The following DNAAF11 variants were observed in gnomAD, a reference collection of about 807,000 sequenced individuals.
The protein encoded by DNAAF11 is leucine rich repeat containing 6.
A neutral mutation model predicts 60.8 loss-of-function variants in DNAAF11; 45 were observed. The ratio of observed to expected loss-of-function variants is 0.74; its 90% CI spans 0.58 to 0.95. The LOEUF is 0.95. DNAAF11 is among the 40% of genes least tolerant of loss of function. The pLI is 0.00. For synonymous variants in DNAAF11, 191 were observed against 183.5 expected (o/e 1.04, Z -0.33); for missense variants, 546 against 546.2 (o/e 1.00, Z 0.00).
chr8:132,585,911 T>C (rs1273090848), intron 10 of DNAAF11, among the ~76,000 whole-genome samples: 1 of 152,204 alleles, frequency 6.6e-6, no homozygotes, highest in African/African-American at 2.4e-5. Flanking sequence ...AACAACTTGT[T>C]TTCTTCTTTT....
intron 8 of DNAAF11, among the ~76,000 whole-genome samples, chr8:132,612,365 T>C (rs1025155249): frequency 6.6e-6 from 1 of 152,228 alleles, no homozygotes; most frequent in Admixed American, 6.5e-5. Context: ...CTACACTTAA[T>C]GGATTATGCA....
intron 5 of DNAAF11, among the ~76,000 whole-genome samples, chr8:132,632,485 G>A (rs191641956): frequency 6.6e-5 from 10 of 152,092 alleles, no homozygotes; most frequent in Admixed American, 3.3e-4. Context: ...CACATTTTAC[G>A]GATTTCTCTG....
chr8:132,687,098 A>C, the DNAAF11 span, among the ~76,000 whole-genome samples: 1 of 152,366 alleles, frequency 6.6e-6, no homozygotes, highest in African/African-American at 2.4e-5. Context: ...TAATTAAATA[A>C]AAGAATACAT....
At chr8:132,584,351 TCAACAAACATACTG>T (rs943769638) in intron 10 of DNAAF11, among the ~76,000 whole-genome samples, 2 of 152,116 alleles carry the variant, frequency 1.3e-5, no homozygotes, top group Non-Finnish European at 2.9e-5. Flanking sequence ...ATGATTCCAT[TCAACAAACATACTG>T]CAAAAATTAT....
intron 1 of DNAAF11, chr8:132,675,264 G>A: frequency 2.1e-6 from 1 of 486,076 alleles, no homozygotes; most frequent in Non-Finnish European, 3.7e-6. Context: ...CCATTTTACA[G>A]ATTAGGAACC....
At chr8:132,638,708 T>G (rs1821556603) in intron 3 of DNAAF11, among the ~76,000 whole-genome samples, 1 of 152,126 alleles carries the variant, frequency 6.6e-6, no homozygotes, top group Admixed American at 6.5e-5. Context: ...GTTTTGATGT[T>G]CAAAGGAATA....
chr8:132,693,479 A>G, the DNAAF11 span, among the ~76,000 whole-genome samples: 2 of 151,300 alleles, frequency 1.3e-5, no homozygotes, highest in Admixed American at 6.6e-5. Context: ...GTGCGTGTGT[A>G]TATTACATAG....
intron 10 of DNAAF11, among the ~76,000 whole-genome samples, chr8:132,599,660 C>A (rs1308011965): frequency 5.9e-5 from 9 of 152,066 alleles, no homozygotes; most frequent in Non-Finnish European, 1.0e-4. Flanking sequence ...ATAAACAGAA[C>A]CAAAGACAAA....
At chr8:132,637,580 G>T (rs1031169307) in intron 4 of DNAAF11, among the ~76,000 whole-genome samples, 1 of 151,890 alleles carries the variant, frequency 6.6e-6, no homozygotes, top group Non-Finnish European at 1.5e-5. Flanking sequence ...ACTCCAGCCT[G>T]GGTGACAGAG....
At chr8:132,578,412 G>C (rs2130973029) in intron 11 of DNAAF11, 1 of 1,479,758 alleles carries the variant, frequency 6.8e-7, no homozygotes, top group East Asian at 2.5e-5. Flanking sequence ...TTTCACCTTT[G>C]CTTTCCCCGC....
At chr8:132,682,792 C>G in the DNAAF11 span, among the ~76,000 whole-genome samples, 1 of 152,214 alleles carries the variant, frequency 6.6e-6, no homozygotes, top group Non-Finnish European at 1.5e-5. Flanking sequence ...GGTTGGGCAT[C>G]TACATCTGGT....
In DNAAF11 at chr8:132,625,379, A is replaced by G. The variant is rs1476659467; in HGVS notation, c.729T>C (p.Ser243=). 6.2e-7 allele frequency: 1 copy of G among 1,613,330 alleles called. No individual in the cohort carries two copies. Among genetic ancestry groups the G allele is most frequent in the Non-Finnish European group, 8.5e-7 (1 of 1,179,620 alleles). ...EEHNTKKLDN[S]EDDLEFWNKP... is the part of the protein sequence containing the mutation. ...TATTCCAGAATTCCAAGTCATCTTC[A>G]CTGTTGTCTAATTTCTTTGTGTTGT... Residue 243 remains serine, a synonymous_variant, in exon 6 of 12, where the codon AGT becomes AGC. Coordinates refer to ENST00000620350, the MANE Select transcript of DNAAF11 (RefSeq NM_012472.6).
chr8:132,688,515 C>T, the DNAAF11 span, among the ~76,000 whole-genome samples: 5 of 152,144 alleles, frequency 3.3e-5, no homozygotes, highest in African/African-American at 4.8e-5. Flanking sequence ...ATTTGGTTCA[C>T]GGGTGAACAC....
chr8:132,656,789 A>AATGGG (rs1247968591), intron 3 of DNAAF11, 41 bp downstream of exon 3: 7 of 935,456 alleles, frequency 7.5e-6, no homozygotes, highest in African/African-American at 1.7e-5. Context: ...TTAAAATCTC[A>AATGGG]ATTTTAATTC....
At position 132,570,562 on chromosome 8, in the gene DNAAF11, A is replaced by G. The variant is rs1396452730; in HGVS notation, c.*1744T>C. 6.6e-6 allele frequency among the ~76,000 whole-genome samples: 1 copy of G among 152,202 alleles called. No homozygotes were observed. Among genetic ancestry groups the G allele is most frequent in the Non-Finnish European group, 1.5e-5 (1 of 68,044 alleles). On this transcript the variant is annotated 3_prime_UTR_variant, in exon 12 of 12. Transcript: ENST00000620350. ...AGAGGTTGAGTTCTGTTGGATTATG[A>G]TATGTCAAGTTGGCTAAGGCTGGGA...
At chr8:132,612,609 T>A (rs1019738502) in intron 8 of DNAAF11, among the ~76,000 whole-genome samples, 1 of 152,186 alleles carries the variant, frequency 6.6e-6, no homozygotes, top group Non-Finnish European at 1.5e-5. Context: ...ACTCATCAGA[T>A]GTCTATTTAT....
At chr8:132,632,667 C>T (rs1820908210) in intron 5 of DNAAF11, 73 bp downstream of exon 5, 1 of 1,055,946 alleles carries the variant, frequency 9.5e-7, no homozygotes, top group Non-Finnish European at 1.5e-6. Context: ...GTACTGCAAA[C>T]AACTTGGAAA....
intron 11 of DNAAF11, among the ~76,000 whole-genome samples, chr8:132,577,531 C>A (rs1814876400): frequency 2.0e-5 from 3 of 152,196 alleles, no homozygotes; most frequent in Admixed American, 2.0e-4. Context: ...TAAATTTTTA[C>A]ATAGGTAAAT....
chr8:132,672,458 C>T (rs1259439570), intron 1 of DNAAF11, among the ~76,000 whole-genome samples: 1 of 152,134 alleles, frequency 6.6e-6, no homozygotes, highest in East Asian at 1.9e-4. Context: ...CTTTTCTCAC[C>T]AAACTGTCTC....
Sources: gnomAD v4.1 joint callset for allele counts (sites outside exome capture counted in the v4.1 genomes callset) on GRCh38, gnomAD v4.1.1 for gene constraint, MANE v1.5 for transcripts, NCBI Gene and HGNC (gene_info 2026-07-23, HGNC 2026-07-21) for gene names.